Variants in ERBB4 observed in about 807,000 individuals in gnomAD.
ERBB4 encodes receptor tyrosine-protein kinase erbB-4.
A neutral mutation model predicts 158.0 loss-of-function variants in ERBB4; 42 were observed. The ratio of observed to expected loss-of-function variants is 0.27; its 90% confidence interval spans 0.21 to 0.34. The LOEUF (loss-of-function observed/expected upper bound fraction) is 0.34. Among genes scored for constraint, ERBB4 ranks in the 10% least tolerant of loss-of-function variants. The pLI is 1.00. For missense variants in ERBB4, 1,333 were observed against 1,624.1 expected, an observed-to-expected ratio of 0.82 and a Z score of 3.08; for synonymous variants, 583 against 558.7, an observed-to-expected ratio of 1.04 and a Z score of -0.61.
chr2:212,085,285 G>A (rs1192295083), intron 2 of ERBB4, among the ~76,000 whole-genome samples: 1 of 151,894 alleles, frequency 6.6e-6, no homozygotes, highest in African/African-American at 2.4e-5. Context: ...TAAGGCCAGA[G>A]TGTAACATTA....
intron 2 of ERBB4, among the ~76,000 whole-genome samples, chr2:212,032,699 A>G (rs1049129831): frequency 1.3e-5 from 2 of 152,032 alleles, no homozygotes; most frequent in African/African-American, 4.8e-5. Flanking sequence ...GTAGCATACA[A>G]TTTGGTGGGG....
chr2:212,386,009 G>A (rs933396736), intron 1 of ERBB4, among the ~76,000 whole-genome samples: 2 of 151,570 alleles, frequency 1.3e-5, no homozygotes, highest in African/African-American at 4.8e-5. Context: ...AAGACAATCA[G>A]TCTCTATCTT....
At chr2:212,382,112 C>T (rs2090521906) in intron 1 of ERBB4, among the ~76,000 whole-genome samples, 1 of 150,762 alleles carries the variant, frequency 6.6e-6, no homozygotes, top group African/African-American at 2.4e-5. Context: ...TATACACATA[C>T]ACACACATAC....
At chr2:212,156,947 C>T (rs2081052423) in intron 1 of ERBB4, among the ~76,000 whole-genome samples, 1 of 152,096 alleles carries the variant, frequency 6.6e-6, no homozygotes, top group Admixed American at 6.6e-5. Context: ...GAATGGACTC[C>T]TAACTGGTCT....
chr2:211,693,591 T>A (rs992781508), intron 12 of ERBB4, among the ~76,000 whole-genome samples: 9 of 152,172 alleles, frequency 5.9e-5, no homozygotes, highest in African/African-American at 2.2e-4. Context: ...GGGGGAATAA[T>A]ATGGGGTGTG....
At position 211,599,120 on chromosome 2, in the gene ERBB4, C is replaced by A. The variant is rs78845941; in HGVS notation, c.2301+20057G>T. ...GACTTAGAATAATCTCTTGAGCAGT[C>A]CAGGGCACATATTGACCTCTTAAGT... On this transcript the variant is annotated intron_variant, in intron 19 of 27. Coordinates refer to ENST00000342788, the MANE Select transcript of ERBB4 (RefSeq NM_005235.3). Among the ~76,000 whole-genome samples, 1,417 of 152,260 alleles carry A rather than the reference C, an allele frequency of 9.3e-3. 17 individuals carry two copies. The highest frequency in any genetic ancestry group is 0.032 in the African/African-American group (1,348 of 41,568).
Position 211,496,939 on chromosome 2 carries a change from T to C in ERBB4, c.2487+64964A>G, listed in dbSNP as rs1025024326. Among the ~76,000 whole-genome samples the C allele has an allele frequency of 2.6e-5, 4 of 151,358 alleles. No homozygotes were observed. In the East Asian group the frequency reaches 5.8e-4, roughly 22 times the overall value. ...CACACACATCCCTGACATTTCATAC[T>C]CTTTTTTCCTATATGTTTATGGTTT... is the stretch of plus-strand genomic sequence containing the variant. On this transcript the variant is annotated intron_variant, in intron 20 of 27. Transcript: ENST00000342788.
chr2:211,594,145 A>G (rs2068557941), intron 19 of ERBB4, among the ~76,000 whole-genome samples: 1 of 152,102 alleles, frequency 6.6e-6, no homozygotes, highest in Non-Finnish European at 1.5e-5. Context: ...CAACAACTTA[A>G]AAATAAACTA....
chr2:212,498,975 C>A (rs1690733106), intron 1 of ERBB4, among the ~76,000 whole-genome samples: 2 of 152,000 alleles, frequency 1.3e-5, no homozygotes, highest in South Asian at 2.1e-4. Flanking sequence ...ATCCAAATAA[C>A]CCACAGCAGG....
At chr2:212,344,984 G>A (rs1202928076) in intron 1 of ERBB4, among the ~76,000 whole-genome samples, 3 of 151,970 alleles carry the variant, frequency 2.0e-5, no homozygotes, top group African/African-American at 7.2e-5. Flanking sequence ...AACACAGGTC[G>A]GGCGTGGTGG....
At chr2:211,539,117 G>A (rs770087745) in intron 20 of ERBB4, among the ~76,000 whole-genome samples, 23 of 151,802 alleles carry the variant, frequency 1.5e-4, no homozygotes, top group Non-Finnish European at 2.9e-4. Flanking sequence ...CAATTGTTCT[G>A]AATAACCTAT....
chr2:212,403,428 G>T (rs1265151499), intron 1 of ERBB4, among the ~76,000 whole-genome samples: 1 of 152,002 alleles, frequency 6.6e-6, no homozygotes, highest in Non-Finnish European at 1.5e-5. Context: ...CAGAATCTCA[G>T]AGAGATATTT....
rs139039873 is a variant in ERBB4, at chr2:211,534,206, C to T, written c.2487+27697G>A. On this transcript the variant is annotated intron_variant, in intron 20 of 27. Transcript: ENST00000342788. Reference sequence around the variant, plus strand: ...TGAAGTAAGTGTACTGGTTGGGTGACGCAGGCTAAGCCTCCCACCTTTCTT... The same window carrying T: ...TGAAGTAAGTGTACTGGTTGGGTGATGCAGGCTAAGCCTCCCACCTTTCTT... Among the ~76,000 whole-genome samples, 978 of 152,158 alleles carry T rather than the reference C, an allele frequency of 6.4e-3. 10 individuals are homozygous for T. Among genetic ancestry groups the T allele is most frequent in the African/African-American group, 0.022 (902 of 41,522 alleles).
chr2:212,018,595 C>T (rs542782288), intron 2 of ERBB4, among the ~76,000 whole-genome samples: 57 of 152,176 alleles, frequency 3.7e-4, no homozygotes, highest in South Asian at 1.5e-3. Flanking sequence ...AAGTTATATA[C>T]GCTTAAATAC....
chr2:211,878,031 C>T (rs2078555744), intron 3 of ERBB4, among the ~76,000 whole-genome samples: 1 of 152,138 alleles, frequency 6.6e-6, no homozygotes, highest in Admixed American at 6.5e-5. Context: ...TATCTTGAAC[C>T]CAGGAGGCAG....
At chr2:211,406,493 TA>T (rs1412204471) in intron 25 of ERBB4, among the ~76,000 whole-genome samples, 5 of 152,134 alleles carry the variant, frequency 3.3e-5, no homozygotes, top group Admixed American at 6.6e-5. Context: ...AATCTGATGA[TA>T]AAAACATTCA....
intron 1 of ERBB4, among the ~76,000 whole-genome samples, chr2:212,424,221 T>A (rs2091857527): frequency 1.3e-5 from 2 of 152,092 alleles, no homozygotes; most frequent in African/African-American, 4.8e-5. Context: ...AGAGACTATC[T>A]TTGTTTTACT....
chr2:211,642,458 T>C lies in ERBB4; in HGVS notation c.1947-11864A>G, dbSNP rs79577358. Reference sequence around the variant, plus strand: ...TCCGTGTTACCCTGACCTCTAAATATAGGAAAGCCTCAGGACTCAATCATT... The same window carrying C: ...TCCGTGTTACCCTGACCTCTAAATACAGGAAAGCCTCAGGACTCAATCATT... On this transcript the variant is annotated intron_variant, in intron 16 of 27. Coordinates refer to ENST00000342788, the MANE Select transcript of ERBB4 (RefSeq NM_005235.3). 4.9e-3 allele frequency among the ~76,000 whole-genome samples: 752 copies of C among 152,174 alleles called. 8 individuals are homozygous for C. The highest frequency in any genetic ancestry group is 0.017 in the African/African-American group (686 of 41,538).
At chr2:212,197,846 T>C (rs898050823) in intron 1 of ERBB4, among the ~76,000 whole-genome samples, 3 of 152,318 alleles carry the variant, frequency 2.0e-5, no homozygotes, top group East Asian at 3.9e-4. Context: ...TAACTTGCAA[T>C]TGTTGATTAA....
Sources: gnomAD v4.1 joint callset for allele counts (sites outside exome capture counted in the v4.1 genomes callset) on GRCh38, gnomAD v4.1.1 for gene constraint, MANE v1.5 for transcripts, NCBI Gene and HGNC (gene_info 2026-07-23, HGNC 2026-07-21) for gene names.